ZBED1: variants seen among roughly 807,000 people sequenced by gnomAD.
ZBED1 encodes zinc finger BED-type containing 1, also known as E3 SUMO-protein ligase ZBED1.
ZBED1 carries 19 observed loss-of-function variants against 49.7 expected under a neutral mutation model. The ratio of observed to expected loss-of-function variants is 0.38; its 90% CI spans 0.27 to 0.56. The LOEUF is 0.56. ZBED1 is among the 20% of genes least tolerant of loss of function. ZBED1 has a pLI of 0.70. For synonymous variants in ZBED1, 439 were observed against 440.3 expected (o/e 1.00, Z 0.04); for missense variants, 806 against 972.6 (o/e 0.83, Z 2.28).
Position 2,488,447 on chromosome X carries a change from T to G in ZBED1, c.*188A>C. Reference sequence around the variant, plus strand: ...ACCTCGGCCTCCCAAAGTGCTGCGATTATAGACAGGAGCCACCGCCCCCGA... The same window carrying G: ...ACCTCGGCCTCCCAAAGTGCTGCGAGTATAGACAGGAGCCACCGCCCCCGA... On this transcript the variant is annotated 3_prime_UTR_variant, in exon 2 of 2. Coordinates refer to ENST00000652001, the MANE Select transcript of ZBED1 (RefSeq NM_001171136.2). 1 of 738,558 alleles carries G rather than the reference T, an allele frequency of 1.4e-6. No individual in the cohort carries two copies. Among genetic ancestry groups the G allele is most frequent in the Non-Finnish European group, 2.1e-6 (1 of 479,000 alleles). The allele number at this position is 738,558 out of a possible 1,614,324, so 45.8% of individuals were successfully genotyped here. A position where few individuals can be genotyped will look rare whatever the true frequency, so the allele number is the denominator to read the frequency against.
At chrX:2,498,436 G>GTA (rs1441056938) in intron 1 of ZBED1, among the ~76,000 whole-genome samples, 18 of 152,074 alleles carry the variant, frequency 1.2e-4, no homozygotes, top group African/African-American at 4.1e-4. Context: ...TCCTCCACTG[G>GTA]TATCGAAAAT....
chrX:2,500,050 T>C (rs2045377479), intron 1 of ZBED1, among the ~76,000 whole-genome samples: 2 of 152,178 alleles, frequency 1.3e-5, no homozygotes, highest in Admixed American at 1.3e-4. Context: ...TAATAAATTC[T>C]GAACCTGCAA....
chrX:2,499,508 T>C (rs1287558595), intron 1 of ZBED1, among the ~76,000 whole-genome samples: 2 of 152,240 alleles, frequency 1.3e-5, no homozygotes, highest in African/African-American at 4.8e-5. Context: ...AGTGGCGCTC[T>C]GTCTGTAATC....
intron 1 of ZBED1, among the ~76,000 whole-genome samples, chrX:2,498,665 G>A (rs906792288): frequency 2.0e-5 from 3 of 149,276 alleles, no homozygotes; most frequent in African/African-American, 7.4e-5. Flanking sequence ...TTTTTCTAAT[G>A]CACAAAGAGC....
rs1303439137 is a variant in ZBED1, at chrX:2,500,936, G to C, written c.-173C>G. The C allele has an allele frequency of 9.5e-7, 1 of 1,051,904 alleles. No homozygotes were observed. The highest frequency in any genetic ancestry group is 1.7e-5 in the African/African-American group (1 of 58,190). 65.2% of individuals were successfully genotyped at this position (1,051,904 alleles called of 1,614,324 possible). A position where few individuals can be genotyped will look rare whatever the true frequency, so the allele number is the denominator to read the frequency against. ...AGACAATGGCGACATGGCTGCCCCG[G>C]CCGCGCCGCCGCCGCTTCCGCGCCG... On this transcript the variant is annotated 5_prime_UTR_variant, in exon 1 of 2. Coordinates refer to ENST00000652001, the MANE Select transcript of ZBED1 (RefSeq NM_001171136.2).
Position 2,490,765 on chromosome X carries a change from G to C in ZBED1, c.-46C>G, listed in dbSNP as rs376434036. 1.9e-6 allele frequency: 3 copies of C among 1,581,378 alleles called. No homozygotes were observed. Among genetic ancestry groups the C allele is most frequent in the African/African-American group, 2.7e-5 (2 of 74,138 alleles). Reference sequence around the variant, plus strand: ...CCTGCTGGACGGCTGCTCATGCGTGGGGACCTGCTGAGAAGGGCCAAGACA... The same window carrying C: ...CCTGCTGGACGGCTGCTCATGCGTGCGGACCTGCTGAGAAGGGCCAAGACA... On this transcript the variant is annotated 5_prime_UTR_variant, in exon 2 of 2. Transcript: ENST00000652001.
At position 2,486,872 on chromosome X, in the gene ZBED1, G is replaced by C. The variant is rs1207407310; in HGVS notation, c.*1763C>G. 3 of 152,246 alleles carry C rather than the reference G, an allele frequency of 2.0e-5. No homozygotes were observed. Among genetic ancestry groups the C allele is most frequent in the African/African-American group, 7.2e-5 (3 of 41,462 alleles). The allele number at this position is 152,246 out of a possible 1,614,324, so 9.4% of individuals were successfully genotyped here. A position where few individuals can be genotyped will look rare whatever the true frequency, so the allele number is the denominator to read the frequency against. ...GGACGTAAGGATAACATTCTGTGCT[G>C]CTTGCAGCCCTGAGAAGTCAGCAGC... On this transcript the variant is annotated 3_prime_UTR_variant, in exon 2 of 2. Coordinates refer to ENST00000652001, the MANE Select transcript of ZBED1 (RefSeq NM_001171136.2).
In ZBED1 at chrX:2,488,932, G is replaced by A; in HGVS notation, c.1788C>T (p.Ala596=). The A allele has an allele frequency of 6.3e-7, 1 of 1,599,730 alleles. No individual in the cohort carries two copies. Among genetic ancestry groups the A allele is most frequent in the South Asian group, 1.1e-5 (1 of 88,658 alleles). Residue 596 remains alanine (A), a synonymous_variant, in exon 2 of 2, where the codon GCC becomes GCT. Coordinates refer to ENST00000652001, the MANE Select transcript of ZBED1 (RefSeq NM_001171136.2). ...GCACCTTGGGCAGCAGGGGGAAGAGGGCCAGGCGGTCTGACCACCACTTGA... is the reference window on the plus strand; with the variant it reads ...GCACCTTGGGCAGCAGGGGGAAGAGAGCCAGGCGGTCTGACCACCACTTGA... The part of the protein sequence containing the change: ...DPLKWWSDRL[A]LFPLLPKVLQ...
At chrX:2,497,285 CG>C (rs2045309050) in intron 1 of ZBED1, among the ~76,000 whole-genome samples, 1 of 151,814 alleles carries the variant, frequency 6.6e-6, no homozygotes, top group South Asian at 2.1e-4. Flanking sequence ...CCCAGCTACT[CG>C]GGAGGCTGAG....
Position 2,488,517 on chromosome X carries a change from G to A in ZBED1, c.*118C>T. ...TCTCTTTCCTTTTTCCACCTTCTAGGTGTCAAAGACAGTGGATGGTCTCTG... is the reference window on the plus strand; with the variant it reads ...TCTCTTTCCTTTTTCCACCTTCTAGATGTCAAAGACAGTGGATGGTCTCTG... On this transcript the variant is annotated 3_prime_UTR_variant, in exon 2 of 2. Transcript: ENST00000652001. 1 of 1,284,908 alleles carries A rather than the reference G, an allele frequency of 7.8e-7. No homozygotes were observed. Among genetic ancestry groups the A allele is most frequent in the Non-Finnish European group, 1.1e-6 (1 of 948,600 alleles). 79.6% of individuals were successfully genotyped at this position (1,284,908 alleles called of 1,614,324 possible). A position where few individuals can be genotyped will look rare whatever the true frequency, so the allele number is the denominator to read the frequency against.
At chrX:2,490,835 G>A (rs968436145) in intron 1 of ZBED1, 63 bp from the exon 2 acceptor site, 32 of 1,423,506 alleles carry the variant, frequency 2.2e-5, no homozygotes, top group East Asian at 6.9e-5. Flanking sequence ...GAGCCCTGCC[G>A]GGGAGACAGA....
At chrX:2,495,238 C>T (rs1405521030) in intron 1 of ZBED1, among the ~76,000 whole-genome samples, 3 of 151,106 alleles carry the variant, frequency 2.0e-5, no homozygotes, top group Non-Finnish European at 4.4e-5. Context: ...GGCTGAAAGA[C>T]GTTCCAGGAC....
chrX:2,500,894 A>T lies in ZBED1; in HGVS notation c.-131T>A, dbSNP rs2045411538. On this transcript the variant is annotated 5_prime_UTR_variant, in exon 1 of 2. Transcript: ENST00000652001. ...CGCGGCGCCTACCGCGTAGACCCGC[A>T]GGGCCGCCCGCGCCGCAGACAATGG... The T allele has an allele frequency of 8.8e-7, 1 of 1,133,126 alleles. No individual in the cohort carries two copies. Among genetic ancestry groups the T allele is most frequent in the Non-Finnish European group, 1.1e-6 (1 of 921,372 alleles). 70.2% of individuals were successfully genotyped at this position (1,133,126 alleles called of 1,614,324 possible).
intron 1 of ZBED1, among the ~76,000 whole-genome samples, chrX:2,497,002 TTC>T (rs1282126574): frequency 4.6e-5 from 7 of 152,204 alleles, no homozygotes; most frequent in African/African-American, 9.6e-5. Context: ...TGTTTTAAAT[TTC>T]TGTTTTAATG....
At chrX:2,497,076 A>AT (rs1180534474) in intron 1 of ZBED1, among the ~76,000 whole-genome samples, 2 of 151,740 alleles carry the variant, frequency 1.3e-5, no homozygotes. Flanking sequence ...TGGGGTCCTC[A>AT]TTTTTTTTGA....
intron 1 of ZBED1, among the ~76,000 whole-genome samples, chrX:2,495,976 C>T (rs2045275196): frequency 6.6e-6 from 1 of 152,060 alleles, no homozygotes; most frequent in Non-Finnish European, 1.5e-5. Flanking sequence ...CTGACAAAAC[C>T]CTAAAACTCA....
chrX:2,490,602 G>A lies in ZBED1; in HGVS notation c.118C>T (p.Leu40=), dbSNP rs762336805. The A allele has an allele frequency of 3.1e-6, 5 of 1,614,008 alleles. No individual in the cohort carries two copies. The highest frequency in any genetic ancestry group is 4.5e-5 in the East Asian group (2 of 44,876). Residue 40 remains leucine (L), a synonymous_variant, in exon 2 of 2, where the codon CTG becomes TTG. Coordinates refer to ENST00000652001, the MANE Select transcript of ZBED1 (RefSeq NM_001171136.2). ...GFDTNAEGCI[L]QWKKIYCRIC... ...CGGCAGTAGATTTTCTTCCACTGCA[G>A]GATGCATCCCTCGGCGTTGGTGTCG...
At chrX:2,494,173 G>C (rs1772135509) in intron 1 of ZBED1, among the ~76,000 whole-genome samples, 1 of 151,934 alleles carries the variant, frequency 6.6e-6, no homozygotes, top group South Asian at 2.1e-4. Context: ...AGAAGTCCCA[G>C]TGCCTGGGGC....
chrX:2,489,669 C>T lies in ZBED1; in HGVS notation c.1051G>A (p.Val351Ile), dbSNP rs375919589. ...GCCAGCGTGCTCCCCCACCAGGAGA[C>T]GCGGTTGCTCACCAGCATGCAGTGG... ...VAHCMLVSNR[V>I]SWWGSTLAML... The change falls in exon 2 of 2, where the codon GTC becomes ATC. Residue 351 changes from valine to isoleucine, a missense_variant. Physicochemically the swap from Val to Ile is conservative, Grantham distance 29. Transcript: ENST00000652001. 28 of 1,612,298 alleles carry T rather than the reference C, an allele frequency of 1.7e-5. No homozygotes were observed. In the South Asian group the frequency reaches 2.0e-4, roughly 11 times the overall value.
Sources: gnomAD v4.1 joint callset for allele counts (sites outside exome capture counted in the v4.1 genomes callset) on GRCh38, gnomAD v4.1.1 for gene constraint, MANE v1.5 for transcripts, NCBI Gene and HGNC (gene_info 2026-07-23, HGNC 2026-07-21) for gene names.